SFMBT1: variants seen among roughly 807,000 people sequenced by gnomAD.
SFMBT1 encodes the protein Scm like with four mbt domains 1.
SFMBT1 carries 32 observed loss-of-function variants against 108.7 expected under a neutral mutation model. The observed-to-expected ratio is 0.29, with a 90% CI of 0.22 to 0.40. SFMBT1 has a LOEUF of 0.40. SFMBT1 is among the 10% of genes least tolerant of loss of function. The probability of loss-of-function intolerance (pLI) is 1.00; values close to 1 mark genes in which losing one functional copy is unlikely to be tolerated. For missense variants in SFMBT1, 816 were observed against 1,059.6 expected (o/e 0.77, Z 3.19); for synonymous variants, 348 against 369.5 (o/e 0.94, Z 0.67).
chr3:53,036,413 C>A (rs760958577), intron 1 of SFMBT1, among the ~76,000 whole-genome samples: 2 of 152,196 alleles, frequency 1.3e-5, no homozygotes, highest in Non-Finnish European at 2.9e-5. Flanking sequence ...GTTCTAACTC[C>A]AAGGCTGGCA....
chr3:52,919,049 G>C (rs1427996484), intron 12 of SFMBT1, among the ~76,000 whole-genome samples: 1 of 152,120 alleles, frequency 6.6e-6, no homozygotes, highest in African/African-American at 2.4e-5. Flanking sequence ...GATCTGACAG[G>C]AGGTGGAGCT....
intron 1 of SFMBT1, among the ~76,000 whole-genome samples, chr3:53,014,591 C>T (rs1010708741): frequency 5.3e-5 from 8 of 152,216 alleles, no homozygotes; most frequent in African/African-American, 1.9e-4. Context: ...TTACTGATAA[C>T]AGATCTTCAT....
intron 1 of SFMBT1, among the ~76,000 whole-genome samples, chr3:53,001,578 C>T (rs1018019150): frequency 1.3e-5 from 1 of 78,102 alleles, no homozygotes; most frequent in Admixed American, 1.3e-4. Flanking sequence ...AGCAGCTCTT[C>T]ATTTCTAATA....
chr3:52,981,328 A>T (rs899357810), intron 1 of SFMBT1, among the ~76,000 whole-genome samples: 1 of 152,070 alleles, frequency 6.6e-6, no homozygotes, highest in Non-Finnish European at 1.5e-5. Flanking sequence ...CAGTTAAGAA[A>T]ATCATTAAGG....
intron 3 of SFMBT1, 100 bp downstream of exon 3, chr3:52,954,217 A>G: frequency 1.1e-6 from 1 of 908,964 alleles, no homozygotes. Flanking sequence ...AATTACTTCA[A>G]GTACCACAAA....
intron 16 of SFMBT1, among the ~76,000 whole-genome samples, chr3:52,911,955 C>A (rs1423391115): frequency 6.6e-6 from 1 of 152,170 alleles, no homozygotes; most frequent in African/African-American, 2.4e-5. Flanking sequence ...CCACCTCAGC[C>A]TCCCAGAGTG....
rs1210410259 is a variant in SFMBT1, at chr3:53,028,900, C to T, written c.-131+16916G>A. 3.9e-5 allele frequency among the ~76,000 whole-genome samples: 6 copies of T among 152,086 alleles called. No homozygotes were observed. The East Asian group carries it at 9.7e-4, about 25-fold the overall frequency. ...CAAGAGTTATGGGCTAGGCCGGGCG[C>T]GGTAGCTCATGCCTATAATCCCAGC... On this transcript the variant is annotated intron_variant, in intron 1 of 20. Coordinates refer to ENST00000394752, the MANE Select transcript of SFMBT1 (RefSeq NM_016329.4).
In SFMBT1 at chr3:52,911,090, G is replaced by T. The variant is rs1312134001; in HGVS notation, c.1819C>A (p.Leu607Met). 1 of 1,614,034 alleles carries T rather than the reference G, an allele frequency of 6.2e-7. No homozygotes were observed. Among genetic ancestry groups the T allele is most frequent in the African/African-American group, 1.3e-5 (1 of 74,918 alleles). Residue 607 changes from leucine (L) to methionine (M), a missense_variant, in exon 17 of 21, where the codon CTG becomes ATG. Transcript: ENST00000394752. ...CCGAAGAGGTTAGGACAGCATTCCA[G>T]TTTGATACAGGTTTGCCGGCAGAAT... is the stretch of plus-strand genomic sequence containing the variant. ...TEFCRQTCIK[L>M]ECCPNLFGPR...
intron 1 of SFMBT1, among the ~76,000 whole-genome samples, chr3:53,036,973 G>A (rs1242010503): frequency 1.3e-5 from 2 of 152,148 alleles, no homozygotes; most frequent in Non-Finnish European, 2.9e-5. Context: ...GAAAATGAAG[G>A]TCACAATGAG....
chr3:53,022,209 G>A (rs1028164946), intron 1 of SFMBT1, among the ~76,000 whole-genome samples: 1 of 152,256 alleles, frequency 6.6e-6, no homozygotes. Context: ...CAGTGATTTG[G>A]GAGGCCAAGG....
intron 1 of SFMBT1, among the ~76,000 whole-genome samples, chr3:53,038,765 C>G (rs535932217): frequency 6.6e-6 from 1 of 152,200 alleles, no homozygotes; most frequent in South Asian, 2.1e-4. Flanking sequence ...GTCATTAAGC[C>G]TTTTTAAACA....
At chr3:52,949,568 CTTTTTTT>C (rs59842273) in intron 3 of SFMBT1, among the ~76,000 whole-genome samples, 5 of 77,414 alleles carry the variant, frequency 6.5e-5, no homozygotes, top group South Asian at 5.0e-4. Context: ...TAATGTCCTT[CTTTTTTT>C]TTTTTTTTTT....
At chr3:53,031,432 G>A (rs1299079027) in intron 1 of SFMBT1, among the ~76,000 whole-genome samples, 3 of 151,636 alleles carry the variant, frequency 2.0e-5, no homozygotes, top group African/African-American at 7.3e-5. Flanking sequence ...CAGTTATCTC[G>A]GAAAAAAAGT....
chr3:52,973,471 A>G (rs979089539), intron 1 of SFMBT1, among the ~76,000 whole-genome samples: 24 of 152,244 alleles, frequency 1.6e-4, no homozygotes, highest in African/African-American at 5.5e-4. Context: ...AAAAAAGAAC[A>G]ACAACTAAAC....
At chr3:52,949,913 C>T (rs1278778132) in intron 3 of SFMBT1, among the ~76,000 whole-genome samples, 1 of 152,096 alleles carries the variant, frequency 6.6e-6, no homozygotes, top group Non-Finnish European at 1.5e-5. Context: ...ATTAATACAG[C>T]TAGGTCTTTT....
chr3:53,011,472 C>A (rs1020341478), intron 1 of SFMBT1, among the ~76,000 whole-genome samples: 1 of 152,168 alleles, frequency 6.6e-6, no homozygotes, highest in South Asian at 2.1e-4. Context: ...AGGAGTGCTA[C>A]ATTTTATAGC....
chr3:52,946,314 A>AG (rs1703362902), intron 3 of SFMBT1, among the ~76,000 whole-genome samples: 1 of 152,254 alleles, frequency 6.6e-6, no homozygotes, highest in Non-Finnish European at 1.5e-5. Context: ...ACAGCCAGAG[A>AG]GGGAAAGTCC....
chr3:52,905,326 G>A (rs1222394506), intron 20 of SFMBT1, 50 bp from the exon 21 acceptor site: 1 of 1,574,690 alleles, frequency 6.4e-7, no homozygotes, highest in South Asian at 1.2e-5. Flanking sequence ...ATGAAAGGCA[G>A]CTTGATCATG....
intron 1 of SFMBT1, among the ~76,000 whole-genome samples, chr3:53,009,048 G>A (rs1575436099): frequency 6.6e-6 from 1 of 152,122 alleles, no homozygotes; most frequent in Non-Finnish European, 1.5e-5. Flanking sequence ...GCTTGAGGTG[G>A]GAGGATCACT....
Sources: allele counts gnomAD v4.1 joint callset (sites outside exome capture counted in the v4.1 genomes callset), GRCh38; gene constraint gnomAD v4.1.1; transcripts MANE v1.5; gene names NCBI Gene and HGNC (gene_info 2026-07-23, HGNC 2026-07-21).